Variants in TDRD12 observed in about 807,000 individuals in gnomAD.
TDRD12 encodes the protein tudor domain containing 12.
Under a neutral mutation model 133.5 loss-of-function variants are expected in TDRD12, and 158 were observed. The ratio of observed to expected loss-of-function variants is 1.18; its 90% CI spans 1.04 to 1.35. The LOEUF is 1.35. Ranked by LOEUF, TDRD12 falls within the 40% of genes most tolerant of loss-of-function variation. TDRD12 has a pLI of 0.00. For synonymous variants in TDRD12, 460 were observed against 477.9 expected (o/e 0.96, Z 0.49); for missense variants, 1,443 against 1,321.3 (o/e 1.09, Z -1.43).
chr19:32,750,826 T>C (rs4805806), intron 6 of TDRD12, among the ~76,000 whole-genome samples: 73,259 of 152,072 alleles, frequency 0.48, 17,721 homozygotes, highest in Middle Eastern at 0.55. Context: ...TTCCTCATCA[T>C]TGTATTAAGG....
chr19:32,735,970 A>T (rs1487731720), intron 2 of TDRD12, among the ~76,000 whole-genome samples: 1 of 152,130 alleles, frequency 6.6e-6, no homozygotes, highest in Non-Finnish European at 1.5e-5. Context: ...ACTCCATCTT[A>T]AAAAATAAAT....
intron 8 of TDRD12, among the ~76,000 whole-genome samples, chr19:32,769,757 C>T (rs1970393801): frequency 6.6e-6 from 1 of 152,112 alleles, no homozygotes; most frequent in South Asian, 2.1e-4. Flanking sequence ...CTGCCTCAGC[C>T]TCCTGAGCAG....
intron 12 of TDRD12, 46 bp downstream of exon 12, chr19:32,790,637 T>C: frequency 1.3e-6 from 2 of 1,551,520 alleles, no homozygotes; most frequent in Non-Finnish European, 1.7e-6. Flanking sequence ...GAGAAAAAAC[T>C]GTTTATTCTT....
chr19:32,744,518 A>AAAAAAAAAAAAAAG (rs1969538308), intron 4 of TDRD12, among the ~76,000 whole-genome samples: 1 of 150,568 alleles, frequency 6.6e-6, no homozygotes, highest in African/African-American at 2.4e-5. Flanking sequence ...AAAAAAAAAA[A>AAAAAAAAAAAAAAG]AAAAAACAAA....
chr19:32,811,399 C>T (rs1056280501), exon 24 of TDRD12: 14 of 1,535,886 alleles, frequency 9.1e-6, no homozygotes, highest in South Asian at 7.1e-5. Flanking sequence ...CTGCTGACAA[C>T]GAAATAGAAT....
chr19:32,827,402 C>CA (rs1379802973), exon 10 of TDRD12: 1 of 241,330 alleles, frequency 4.1e-6, no homozygotes, highest in Non-Finnish European at 5.6e-6. Flanking sequence ...TTTTTTGAGA[C>CA]AGAGTCTTGC....
intron 8 of TDRD12, 109 bp from the exon 9 acceptor site, chr19:32,772,644 A>G: frequency 1.6e-6 from 1 of 636,420 alleles, no homozygotes; most frequent in Non-Finnish European, 2.6e-6. Flanking sequence ...AAAATTTAAC[A>G]TATTAAGATT....
chr19:32,725,786 A>T (rs1968839229), intron 1 of TDRD12, among the ~76,000 whole-genome samples: 1 of 152,116 alleles, frequency 6.6e-6, no homozygotes, highest in Non-Finnish European at 1.5e-5. Flanking sequence ...ATAGCATTGA[A>T]TCTATAAATT....
downstream of TDRD12, among the ~76,000 whole-genome samples, chr19:32,823,883 C>A (rs1020585943): frequency 6.6e-6 from 1 of 152,216 alleles, no homozygotes; most frequent in Non-Finnish European, 1.5e-5. Context: ...GCCCTGCTAC[C>A]GGCCCATTTG....
chr19:32,800,676 T>C (rs1292933616), exon 18 of TDRD12: 5 of 1,535,466 alleles, frequency 3.3e-6, no homozygotes, highest in Non-Finnish European at 3.5e-6. Context: ...GTGAAAAAAC[T>C]TCTTCTTTAC....
In TDRD12 at chr19:32,810,408, C is replaced by G. The variant is rs1362366868; in HGVS notation, c.2837+131C>G. 15 of 687,292 alleles carry G rather than the reference C, an allele frequency of 2.2e-5. No individual in the cohort carries two copies. In the East Asian group the frequency reaches 4.0e-4, roughly 18 times the overall value. 42.6% of individuals were successfully genotyped at this position (687,292 alleles called of 1,614,324 possible). On this transcript the variant is annotated intron_variant, in intron 23 of 27. Coordinates refer to ENST00000444215, the Ensembl canonical transcript of TDRD12. ...AGCCTGGTGACAGCGGGGTGTCCCC[C>G]CAGATGCCTGCTCCAGTTCTTTGTG...
At chr19:32,814,345 A>G (rs1967104726) in intron 25 of TDRD12, among the ~76,000 whole-genome samples, 1 of 152,110 alleles carries the variant, frequency 6.6e-6, no homozygotes, top group South Asian at 2.1e-4. Context: ...CCTCCACTCA[A>G]AGTTCTGCTG....
chr19:32,769,997 CTT>C (rs10644275), intron 8 of TDRD12, among the ~76,000 whole-genome samples: 3 of 144,252 alleles, frequency 2.1e-5, no homozygotes, highest in Admixed American at 6.9e-5. Flanking sequence ...GGTATGTGTT[CTT>C]TTTTTTTTTT....
At chr19:32,815,723 C>CAT (rs1967156040) in intron 26 of TDRD12, 103 bp downstream of exon 26, 10 of 1,141,530 alleles carry the variant, frequency 8.8e-6, no homozygotes, top group Middle Eastern at 2.0e-4. Flanking sequence ...TGGCTGGGTG[C>CAT]GGTGGCTCAC....
At chr19:32,829,227 T>C (rs1311733928) in exon 10 of TDRD12, 2 of 152,254 alleles carry the variant, frequency 1.3e-5, no homozygotes, top group East Asian at 3.8e-4. Flanking sequence ...GCGCCGAGTC[T>C]CTTTCATACA....
chr19:32,809,667 G>A (rs1246007510), intron 22 of TDRD12, among the ~76,000 whole-genome samples: 1 of 152,172 alleles, frequency 6.6e-6, no homozygotes, highest in Non-Finnish European at 1.5e-5. Flanking sequence ...GTCCCTGTAG[G>A]ACAGTTTCAT....
chr19:32,803,089 T>A (rs1180787862), exon 21 of TDRD12: 1 of 1,535,612 alleles, frequency 6.5e-7, no homozygotes. Flanking sequence ...CCAAAGAAGA[T>A]AAGAAAGCCG....
intron 25 of TDRD12, among the ~76,000 whole-genome samples, chr19:32,814,806 C>G (rs914249692): frequency 6.6e-6 from 1 of 152,148 alleles, no homozygotes; most frequent in Admixed American, 6.5e-5. Context: ...TCCACACATT[C>G]CCCGGTGGAC....
At chr19:32,771,866 T>A (rs1188021996) in intron 8 of TDRD12, among the ~76,000 whole-genome samples, 5 of 152,254 alleles carry the variant, frequency 3.3e-5, no homozygotes, top group Admixed American at 6.5e-5. Flanking sequence ...GTGCTGCTGC[T>A]TATTTCAATG....
Sources: gnomAD v4.1 joint callset for allele counts (sites outside exome capture counted in the v4.1 genomes callset) on GRCh38, gnomAD v4.1.1 for gene constraint, MANE v1.5 for transcripts, NCBI Gene and HGNC (gene_info 2026-07-23, HGNC 2026-07-21) for gene names.